Variants in CATSPER3 observed in about 807,000 individuals in gnomAD.
The protein encoded by CATSPER3 is cation channel sperm-associated protein 3.
Under a neutral mutation model 36.6 loss-of-function variants are expected in CATSPER3, and 23 were observed. That is an observed-to-expected ratio of 0.63 (90% CI 0.45 to 0.89). The LOEUF (loss-of-function observed/expected upper bound fraction) is 0.89, where lower values mean the gene tolerates loss of function less well. CATSPER3 is among the 40% of genes least tolerant of loss of function. The pLI, the probability that CATSPER3 is intolerant of heterozygous loss-of-function variation, is 0.00. For synonymous variants in CATSPER3, 172 were observed against 184.1 expected (o/e 0.93, Z 0.53); for missense variants, 474 against 503.9 (o/e 0.94, Z 0.57).
chr5:135,009,074 C>G, intron 5 of CATSPER3, 93 bp downstream of exon 5: 1 of 1,534,354 alleles, frequency 6.5e-7, no homozygotes, highest in Non-Finnish European at 9.0e-7. Context: ...AGCTGTGTAG[C>G]TGTGTCTTCC....
Position 135,010,400 on chromosome 5 carries a change from G to A in CATSPER3, c.964G>A (p.Glu322Lys), listed in dbSNP as rs1450474583. The A allele has an allele frequency of 1.9e-6, 3 of 1,614,120 alleles. No individual in the cohort carries two copies. The South Asian group carries it at 3.3e-5, about 18-fold the overall frequency. The change falls in exon 7 of 8, where the codon GAG becomes AAG. Residue 322 changes from glutamate to lysine, a missense_variant. Physicochemically the swap from Glu to Lys is moderately conservative, Grantham distance 56 (BLOSUM62 1). Coordinates refer to ENST00000282611, the MANE Select transcript of CATSPER3 (RefSeq NM_178019.3). The stretch of plus-strand genomic sequence containing the variant: ...AAATGCTGACTGCACAAGTTTCAGT[G>A]AGCTGGTGGAGAACTTTAAGAAGAC... ...QKNADCTSFS[E>K]LVENFKKTLS...
chr5:135,000,718 A>C (rs1398694908), intron 3 of CATSPER3, among the ~76,000 whole-genome samples: 2 of 152,196 alleles, frequency 1.3e-5, no homozygotes, highest in Non-Finnish European at 2.9e-5. Flanking sequence ...AGAGGTGTTC[A>C]TAGTATTATC....
intron 2 of CATSPER3, among the ~76,000 whole-genome samples, chr5:134,978,502 CATT>C (rs1458563936): frequency 6.6e-6 from 1 of 152,006 alleles, no homozygotes; most frequent in East Asian, 1.9e-4. Flanking sequence ...TGATTGCAAA[CATT>C]ATACTTAATG....
chr5:134,995,010 CCTCT>C (rs972020715), intron 2 of CATSPER3, among the ~76,000 whole-genome samples: 3 of 149,950 alleles, frequency 2.0e-5, no homozygotes, highest in South Asian at 2.1e-4. Context: ...TTCCTTCATC[CCTCT>C]CTCTCTCTTT....
chr5:134,974,212 A>G (rs1242652533), intron 2 of CATSPER3, among the ~76,000 whole-genome samples: 1 of 152,098 alleles, frequency 6.6e-6, no homozygotes, highest in Admixed American at 6.5e-5. Flanking sequence ...GCGTGCACTC[A>G]GCAAAATCCA....
intron 6 of CATSPER3, among the ~76,000 whole-genome samples, 166 bp downstream of exon 6, chr5:135,009,656 CTTTATTCTCGGCAT>C (rs2149554172): frequency 2.1e-4 from 1 of 4,790 alleles, no homozygotes; most frequent in African/African-American, 2.1e-3. Flanking sequence ...TAGAATCAGC[CTTTATTCTCGGCAT>C]TTTTGTGTTT....
chr5:134,990,605 A>G (rs1250752715), intron 2 of CATSPER3, among the ~76,000 whole-genome samples: 1 of 152,190 alleles, frequency 6.6e-6, no homozygotes, highest in Non-Finnish European at 1.5e-5. Flanking sequence ...ATCATAACAG[A>G]TATAATAATA....
chr5:134,995,244 T>C (rs901732943), intron 2 of CATSPER3, among the ~76,000 whole-genome samples: 80 of 152,314 alleles, frequency 5.3e-4, no homozygotes, highest in African/African-American at 1.9e-3. Flanking sequence ...TTATTTCTTC[T>C]CGGTGTGTAT....
chr5:135,008,172 G>A, intron 4 of CATSPER3, 33 bp downstream of exon 4: 1 of 1,592,366 alleles, frequency 6.3e-7, no homozygotes, highest in Non-Finnish European at 8.6e-7. Flanking sequence ...TGAGGGCAGG[G>A]GCCTTAGGAA....
intron 3 of CATSPER3, 31 bp from the exon 4 acceptor site, chr5:135,007,926 C>A (rs546009568): frequency 6.2e-7 from 1 of 1,602,258 alleles, no homozygotes; most frequent in Admixed American, 1.7e-5. Context: ...TTGGTGGTAC[C>A]CTCGCCTACC....
chr5:134,994,869 G>A (rs1751924337), intron 2 of CATSPER3, among the ~76,000 whole-genome samples: 1 of 151,318 alleles, frequency 6.6e-6, no homozygotes, highest in Non-Finnish European at 1.5e-5. Context: ...TTTTTATTTT[G>A]TCTCAATTCC....
At chr5:134,982,806 G>A (rs79722125) in intron 2 of CATSPER3, among the ~76,000 whole-genome samples, 5,459 of 152,228 alleles carry the variant, frequency 0.036, 154 homozygotes, top group African/African-American at 0.086. Context: ...GTGTTATTGT[G>A]TATTTTGATT....
chr5:134,972,163 G>C (rs550625088), intron 2 of CATSPER3, among the ~76,000 whole-genome samples: 1 of 152,292 alleles, frequency 6.6e-6, no homozygotes, highest in Non-Finnish European at 1.5e-5. Context: ...AAAATATTCT[G>C]AGCACTGACG....
At chr5:135,006,699 G>T (rs919971683) in intron 3 of CATSPER3, among the ~76,000 whole-genome samples, 1 of 151,782 alleles carries the variant, frequency 6.6e-6, no homozygotes, top group African/African-American at 2.4e-5. Flanking sequence ...TTAGCCGGGC[G>T]CAGTGGCGGG....
At chr5:134,991,637 A>C (rs1018520427) in intron 2 of CATSPER3, among the ~76,000 whole-genome samples, 1 of 152,208 alleles carries the variant, frequency 6.6e-6, no homozygotes, top group Admixed American at 6.5e-5. Context: ...ACCGTGCACA[A>C]AAACAAACTC....
intron 1 of CATSPER3, chr5:134,969,277 T>C (rs1751572076): frequency 6.6e-6 from 1 of 152,662 alleles, no homozygotes; most frequent in Non-Finnish European, 1.5e-5. Flanking sequence ...TCAGTTTTTA[T>C]GCCTCTGGCA....
chr5:134,970,567 GA>G (rs1225609069), intron 2 of CATSPER3, among the ~76,000 whole-genome samples: 1 of 130,140 alleles, frequency 7.7e-6, no homozygotes, highest in African/African-American at 2.9e-5. Flanking sequence ...TGACATGGTG[GA>G]TTTTTTTTTT....
At chr5:134,999,566 G>C (rs1047245041) in intron 3 of CATSPER3, among the ~76,000 whole-genome samples, 10 of 152,154 alleles carry the variant, frequency 6.6e-5, no homozygotes, top group Non-Finnish European at 1.2e-4. Context: ...CCATTTGTTT[G>C]TATCCTCTTT....
intron 2 of CATSPER3, among the ~76,000 whole-genome samples, chr5:134,972,773 A>G (rs918429826): frequency 6.6e-6 from 1 of 152,232 alleles, no homozygotes; most frequent in Non-Finnish European, 1.5e-5. Flanking sequence ...AAGATTTGGA[A>G]CTATACGTTG....
Sources: allele counts gnomAD v4.1 joint callset (sites outside exome capture counted in the v4.1 genomes callset), GRCh38; gene constraint gnomAD v4.1.1; transcripts MANE v1.5; gene names NCBI Gene and HGNC (gene_info 2026-07-23, HGNC 2026-07-21).